The following EPHA5 variants were observed in gnomAD, a reference collection of about 807,000 sequenced individuals.
EPHA5 encodes the protein ephrin type-A receptor 5.
EPHA5 carries 60 observed loss-of-function variants against 105.0 expected under a neutral mutation model. The observed-to-expected ratio is 0.57, with a 90% CI of 0.46 to 0.71. The LOEUF is 0.71. EPHA5 is among the 30% of genes least tolerant of loss of function. The probability of loss-of-function intolerance (pLI) is 0.00; values close to 1 mark genes in which losing one functional copy is unlikely to be tolerated. For synonymous variants in EPHA5, 513 were observed against 449.1 expected (o/e 1.14, Z -1.80); for missense variants, 1,218 against 1,274.7 (o/e 0.96, Z 0.68).
Position 65,348,813 on chromosome 4 carries a change from A to ATTTTT in EPHA5, c.2446-611_2446-610insAAAAA, listed in dbSNP as rs1411450820. ...TGTGTGTATATATATATATATATAT[A>ATTTTT]TATTTTTTTTTTTTTTTTTTGAGAC... On this transcript the variant is annotated intron_variant, in intron 13 of 16. Coordinates refer to ENST00000613740, the MANE Select transcript of EPHA5 (RefSeq NM_001281766.3). 8.0e-3 allele frequency among the ~76,000 whole-genome samples: 330 copies of ATTTTT among 41,314 alleles called. 41 individuals carry two copies. Among genetic ancestry groups the ATTTTT allele is most frequent in the Non-Finnish European group, 9.9e-3 (209 of 21,074 alleles). 27.1% of individuals were successfully genotyped at this position (41,314 alleles called of 152,430 possible). A position where few individuals can be genotyped will look rare whatever the true frequency, so the allele number is the denominator to read the frequency against.
At chr4:65,621,925 C>T (rs1174122100) in intron 2 of EPHA5, among the ~76,000 whole-genome samples, 4 of 152,042 alleles carry the variant, frequency 2.6e-5, no homozygotes, top group Non-Finnish European at 4.4e-5. Context: ...AAGCTGCATT[C>T]GTCATGAACA....
At chr4:65,381,111 A>G (rs1719518984) in intron 8 of EPHA5, among the ~76,000 whole-genome samples, 1 of 150,726 alleles carries the variant, frequency 6.6e-6, no homozygotes, top group Non-Finnish European at 1.5e-5. Flanking sequence ...TTTAAGTGAT[A>G]TTACTATATT....
chr4:65,334,411 G>A (rs1220412766), intron 15 of EPHA5, among the ~76,000 whole-genome samples: 28 of 151,984 alleles, frequency 1.8e-4, no homozygotes, highest in Admixed American at 1.8e-3. Context: ...TTTGATAATA[G>A]CAAGGTCTAG....
Position 65,377,930 on chromosome 4 carries a change from T to C in EPHA5, c.1794-10506A>G, listed in dbSNP as rs969641665. ...CAGTGATCTCAACAGAACTATAATG[T>C]GAGCTCAGTAGAGATAGGATATACC... On this transcript the variant is annotated intron_variant, in intron 8 of 16. Transcript: ENST00000613740. 1.3e-4 allele frequency among the ~76,000 whole-genome samples: 20 copies of C among 152,086 alleles called. No homozygotes were observed. In the East Asian group the frequency reaches 3.5e-3, roughly 27 times the overall value.
intron 5 of EPHA5, among the ~76,000 whole-genome samples, chr4:65,459,889 G>A (rs539234052): frequency 1.4e-4 from 21 of 151,812 alleles, no homozygotes; most frequent in African/African-American, 4.8e-4. Flanking sequence ...AATATTGATT[G>A]ATTATAAAAT....
chr4:65,562,375 G>T (rs1350819439), intron 3 of EPHA5, among the ~76,000 whole-genome samples: 1 of 151,922 alleles, frequency 6.6e-6, no homozygotes. Context: ...GACGTTTAGG[G>T]TTCTCCAAAA....
rs192596982 is a variant in EPHA5 at position 65,527,753 on chromosome 4, G to A, written c.911-32210C>T. On this transcript the variant is annotated intron_variant, in intron 3 of 16. Coordinates refer to ENST00000613740, the MANE Select transcript of EPHA5 (RefSeq NM_001281766.3). Reference sequence around the variant, plus strand: ...AGGTTTGTTACACAGGTAAACTTGTGTCATGGAGGGCTATCGTACAGGTCA... The same window carrying A: ...AGGTTTGTTACACAGGTAAACTTGTATCATGGAGGGCTATCGTACAGGTCA... 6.6e-4 allele frequency among the ~76,000 whole-genome samples: 101 copies of A among 152,102 alleles called. No individual in the cohort carries two copies. The South Asian group carries it at 0.011, about 17-fold the overall frequency.
At chr4:65,656,268 A>G (rs1014297060) in intron 1 of EPHA5, among the ~76,000 whole-genome samples, 3 of 151,748 alleles carry the variant, frequency 2.0e-5, no homozygotes, top group Non-Finnish European at 4.4e-5. Context: ...CCTTCAAACA[A>G]AAACACCACT....
At chr4:65,387,818 T>C (rs1720259921) in intron 8 of EPHA5, among the ~76,000 whole-genome samples, 1 of 151,654 alleles carries the variant, frequency 6.6e-6, no homozygotes, top group Admixed American at 6.6e-5. Context: ...GTATGTCTCA[T>C]TCTTTTTTTT....
intron 15 of EPHA5, 73 bp from the exon 16 acceptor site, chr4:65,332,201 A>G (rs1454127985): frequency 8.1e-7 from 1 of 1,240,832 alleles, no homozygotes; most frequent in East Asian, 2.7e-5. Flanking sequence ...TATAATGTTA[A>G]CTCATATTCA....
rs1295851949 is a variant in EPHA5, at chr4:65,409,286, C to T, written c.1688-4807G>A. 5.4e-5 allele frequency among the ~76,000 whole-genome samples: 7 copies of T among 128,698 alleles called. No homozygotes were observed. In the Admixed American group the frequency reaches 5.5e-4, roughly 10 times the overall value. The allele number at this position is 128,698 out of a possible 152,430, so 84.4% of individuals were successfully genotyped here. ...AGCGCACCAGCATGGCACATGTATA[C>T]ATATGTAACAAACCTGCACATTGTG... On this transcript the variant is annotated intron_variant, in intron 7 of 16. Coordinates refer to ENST00000613740, the MANE Select transcript of EPHA5 (RefSeq NM_001281766.3).
intron 16 of EPHA5, among the ~76,000 whole-genome samples, chr4:65,329,442 T>C (rs1720386924): frequency 6.6e-6 from 1 of 151,438 alleles, no homozygotes; most frequent in Admixed American, 6.6e-5. Flanking sequence ...TATGTCATTC[T>C]GAAAATTTTA....
chr4:65,506,042 T>A (rs1372929640), intron 3 of EPHA5, among the ~76,000 whole-genome samples: 1 of 152,102 alleles, frequency 6.6e-6, no homozygotes, highest in Non-Finnish European at 1.5e-5. Context: ...GATGCTCCCC[T>A]TCCTGTGTCC....
At chr4:65,348,811 ATATATTT>A (rs1722529695) in intron 13 of EPHA5, among the ~76,000 whole-genome samples, 1 of 56,406 alleles carries the variant, frequency 1.8e-5, no homozygotes, top group Non-Finnish European at 3.3e-5. Flanking sequence ...ATATATATAT[ATATATTT>A]TTTTTTTTTT....
At chr4:65,383,286 A>C (rs1719756723) in intron 8 of EPHA5, among the ~76,000 whole-genome samples, 1 of 151,078 alleles carries the variant, frequency 6.6e-6, no homozygotes, top group African/African-American at 2.4e-5. Flanking sequence ...AGAAAATTAA[A>C]GTCAGATGTG....
chr4:65,565,365 C>T (rs1401311670), intron 3 of EPHA5, among the ~76,000 whole-genome samples: 1 of 151,634 alleles, frequency 6.6e-6, no homozygotes, highest in African/African-American at 2.4e-5. Context: ...TAAGCCTTCA[C>T]AAAGTATTTC....
chr4:65,472,258 G>A (rs757332142), intron 5 of EPHA5, among the ~76,000 whole-genome samples: 1 of 152,136 alleles, frequency 6.6e-6, no homozygotes, highest in African/African-American at 2.4e-5. Flanking sequence ...GATGCCAAAG[G>A]TGGGCTCTTA....
At chr4:65,336,431 A>T (rs187356664) in intron 14 of EPHA5, among the ~76,000 whole-genome samples, 7 of 152,218 alleles carry the variant, frequency 4.6e-5, no homozygotes, top group African/African-American at 7.2e-5. Context: ...TAAAATATAC[A>T]GTTCATGTTT....
chr4:65,558,478 G>A (rs1469952194), intron 3 of EPHA5, among the ~76,000 whole-genome samples: 1 of 152,104 alleles, frequency 6.6e-6, no homozygotes, highest in African/African-American at 2.4e-5. Flanking sequence ...GTGTGCATGT[G>A]TATGTGTGTA....
Sources: allele counts gnomAD v4.1 joint callset (sites outside exome capture counted in the v4.1 genomes callset), GRCh38; gene constraint gnomAD v4.1.1; transcripts MANE v1.5; gene names NCBI Gene and HGNC (gene_info 2026-07-23, HGNC 2026-07-21).